PKNOX2: variants seen among roughly 807,000 people sequenced by gnomAD.
The protein encoded by PKNOX2 is PBX/knotted 1 homeobox 2.
Under a neutral mutation model 53.1 loss-of-function variants are expected in PKNOX2, and 14 were observed. The ratio of observed to expected loss-of-function variants is 0.26; its 90% CI spans 0.17 to 0.41. The LOEUF (loss-of-function observed/expected upper bound fraction) is 0.41. Ranked by LOEUF, PKNOX2 falls within the 10% of genes least tolerant of loss-of-function variation. The probability of loss-of-function intolerance (pLI) is 1.00; values close to 1 mark genes in which losing one functional copy is unlikely to be tolerated. For missense variants in PKNOX2, 496 were observed against 602.8 expected, an observed-to-expected ratio of 0.82 and a Z score of 1.85; for synonymous variants, 257 against 242.8, an observed-to-expected ratio of 1.06 and a Z score of -0.54.
At chr11:125,379,057 T>C (rs1322719393) in intron 5 of PKNOX2, among the ~76,000 whole-genome samples, 1 of 11,970 alleles carries the variant, frequency 8.4e-5, no homozygotes, top group Non-Finnish European at 1.2e-4. Context: ...TTCTTTCTCT[T>C]TTTTTTTTTT....
chr11:125,408,757 G>A (rs1955280739), intron 7 of PKNOX2, among the ~76,000 whole-genome samples: 1 of 152,144 alleles, frequency 6.6e-6, no homozygotes, highest in Admixed American at 6.5e-5. Flanking sequence ...CTGTCCCCCG[G>A]GCTGTAACAC....
chr11:125,217,121 A>T (rs977067980), intron 1 of PKNOX2, among the ~76,000 whole-genome samples: 2 of 152,040 alleles, frequency 1.3e-5, no homozygotes, highest in African/African-American at 4.8e-5. Flanking sequence ...CCACCCATGG[A>T]GTCACACACA....
intron 1 of PKNOX2, among the ~76,000 whole-genome samples, chr11:125,232,199 G>A (rs1272747204): frequency 6.6e-6 from 1 of 152,202 alleles, no homozygotes; most frequent in Non-Finnish European, 1.5e-5. Context: ...GTGGGAGAAG[G>A]ATTGTATTGC....
At chr11:125,343,113 A>G (rs1235381436) in intron 3 of PKNOX2, among the ~76,000 whole-genome samples, 1 of 151,706 alleles carries the variant, frequency 6.6e-6, no homozygotes, top group African/African-American at 2.4e-5. Flanking sequence ...TCCTGCCTCC[A>G]TTCCTGGGGG....
chr11:125,166,890 C>T lies in PKNOX2; in HGVS notation c.-201+2114C>T, dbSNP rs565870175. The stretch of plus-strand genomic sequence containing the variant: ...TATAACCGGTGGCAGCCAAAAGCTT[C>T]GCATTTTAGGCAGTTTAGACGATCC... On this transcript the variant is annotated intron_variant, in intron 1 of 12. Transcript: ENST00000298282. This position sits in a 1 kb window ranked among gnomAD's most constrained non-coding sequence, Gnocchi z 4.0. Among the ~76,000 whole-genome samples the T allele has an allele frequency of 1.3e-5, 2 of 152,112 alleles. No individual in the cohort carries two copies. The highest frequency in any genetic ancestry group is 1.3e-4 in the Admixed American group (2 of 15,288).
At chr11:125,262,162 C>G (rs960804561) in intron 2 of PKNOX2, among the ~76,000 whole-genome samples, 1 of 152,092 alleles carries the variant, frequency 6.6e-6, no homozygotes, top group Non-Finnish European at 1.5e-5. Flanking sequence ...AGATCCAGCT[C>G]TAGATGAGGA....
intron 6 of PKNOX2, 99 bp from the exon 7 acceptor site, chr11:125,397,775 G>T (rs1046003257): frequency 2.5e-5 from 31 of 1,249,422 alleles, no homozygotes; most frequent in Non-Finnish European, 3.1e-5. Context: ...TACGGCAGGG[G>T]GTGGGCTCCC....
At chr11:125,322,207 C>A (rs997857641) in intron 2 of PKNOX2, among the ~76,000 whole-genome samples, 4 of 150,082 alleles carry the variant, frequency 2.7e-5, no homozygotes, top group African/African-American at 7.3e-5. Flanking sequence ...GTGTCTTATT[C>A]AAAAAAAAAC....
intron 2 of PKNOX2, among the ~76,000 whole-genome samples, chr11:125,314,896 C>T (rs1422952418): frequency 6.6e-6 from 1 of 152,144 alleles, no homozygotes; most frequent in African/African-American, 2.4e-5. Flanking sequence ...GACTTTGGGT[C>T]AGGAAAGAGA....
At chr11:125,297,550 C>T (rs1298620164) in intron 2 of PKNOX2, among the ~76,000 whole-genome samples, 1 of 152,128 alleles carries the variant, frequency 6.6e-6, no homozygotes, top group Non-Finnish European at 1.5e-5. Context: ...GTGACATTTG[C>T]GATGACTCTT....
At chr11:125,420,093 A>AG (rs1956093133) in intron 10 of PKNOX2, among the ~76,000 whole-genome samples, 2 of 151,570 alleles carry the variant, frequency 1.3e-5, no homozygotes, top group South Asian at 4.2e-4. Flanking sequence ...GGCCTGAGGT[A>AG]GGAGGATCAT....
chr11:125,385,630 G>A lies in PKNOX2; in HGVS notation c.307G>A (p.Ala103Thr), dbSNP rs199787185. The A allele has an allele frequency of 2.9e-5, 46 of 1,613,912 alleles. No homozygotes were observed. Among genetic ancestry groups the A allele is most frequent in the Non-Finnish European group, 3.7e-5 (44 of 1,179,956 alleles). Residue 103 changes from alanine to threonine, a missense_variant, in exon 6 of 13, where the codon GCC becomes ACC. Ala to Thr is a moderately conservative substitution (Grantham distance 58, BLOSUM62 0). Around this residue, in one of 5 missense-constraint regions of PKNOX2, gnomAD observed 168 missense variants for 178.4 expected, o/e 0.94. Coordinates refer to ENST00000298282, the MANE Select transcript of PKNOX2 (RefSeq NM_001382323.2). Reference sequence around the variant, plus strand: ...CCAGGGCTCTGAGTGCATCACCTCCGCCAGCTTTGATGTGGACATCGAGAA... The same window carrying A: ...CCAGGGCTCTGAGTGCATCACCTCCACCAGCTTTGATGTGGACATCGAGAA... ...ATQGSECITS[A>T]SFDVDIENFV...
At chr11:125,341,630 A>G (rs1179865811) in intron 3 of PKNOX2, among the ~76,000 whole-genome samples, 1 of 152,236 alleles carries the variant, frequency 6.6e-6, no homozygotes, top group Non-Finnish European at 1.5e-5. Flanking sequence ...TTGATTTCCC[A>G]CGTGTAGTCC....
chr11:125,304,977 T>C (rs572914691), intron 2 of PKNOX2, among the ~76,000 whole-genome samples: 9 of 152,216 alleles, frequency 5.9e-5, no homozygotes, highest in Non-Finnish European at 7.3e-5. Context: ...ATTTCCTCCT[T>C]ACACGCAAGG....
intron 3 of PKNOX2, among the ~76,000 whole-genome samples, chr11:125,341,125 G>C (rs1405004336): frequency 6.6e-6 from 1 of 150,854 alleles, no homozygotes; most frequent in Non-Finnish European, 1.5e-5. Flanking sequence ...ACTTTGGAAG[G>C]CCGAGGCAGG....
intron 4 of PKNOX2, among the ~76,000 whole-genome samples, chr11:125,366,079 G>A (rs1485397650): frequency 6.6e-6 from 1 of 152,216 alleles, no homozygotes; most frequent in Non-Finnish European, 1.5e-5. Context: ...AATTGGAACA[G>A]CATTTGCTTC....
intron 2 of PKNOX2, among the ~76,000 whole-genome samples, chr11:125,244,961 G>A (rs2135629758): frequency 6.6e-6 from 1 of 152,252 alleles, no homozygotes; most frequent in South Asian, 2.1e-4. Flanking sequence ...GGGGGAGACT[G>A]GGTGAATTTA....
intron 2 of PKNOX2, among the ~76,000 whole-genome samples, chr11:125,324,030 T>C (rs1949685321): frequency 1.3e-5 from 2 of 152,202 alleles, no homozygotes; most frequent in Admixed American, 6.5e-5. Context: ...CAGAGCCTGG[T>C]CCCAAAACTA....
chr11:125,216,926 T>C (rs930041824), intron 1 of PKNOX2, among the ~76,000 whole-genome samples: 2 of 152,108 alleles, frequency 1.3e-5, no homozygotes, highest in African/African-American at 4.8e-5. Flanking sequence ...ATGGGGCATG[T>C]TCAGGCTCGG....
Sources: allele counts gnomAD v4.1 joint callset (sites outside exome capture counted in the v4.1 genomes callset), GRCh38; gene constraint gnomAD v4.1.1; regional missense constraint gnomAD v4.1.1; non-coding constraint Gnocchi (gnomAD v3.1); transcripts MANE v1.5; gene names NCBI Gene and HGNC (gene_info 2026-07-23, HGNC 2026-07-21).